Variants in ARL8B observed in about 807,000 individuals in gnomAD.
ARL8B encodes ARF like GTPase 8B.
In ARL8B, 9 loss-of-function variants were observed where a neutral mutation model predicts 30.6. The observed-to-expected ratio is 0.29, with a 90% CI of 0.18 to 0.51. The LOEUF (loss-of-function observed/expected upper bound fraction) is 0.51. ARL8B is among the 20% of genes least tolerant of loss of function. The probability of loss-of-function intolerance (pLI) is 0.97; values close to 1 mark genes in which losing one functional copy is unlikely to be tolerated. For synonymous variants in ARL8B, 74 were observed against 76.0 expected (o/e 0.97, Z 0.14); for missense variants, 130 against 227.2 (o/e 0.57, Z 2.75).
intron 1 of ARL8B, among the ~76,000 whole-genome samples, chr3:5,159,532 G>A (rs1293566694): frequency 6.8e-6 from 1 of 147,868 alleles, no homozygotes; most frequent in African/African-American, 2.5e-5. Flanking sequence ...AACCTGGGAG[G>A]TGGAGTTTGG....
At chr3:5,144,365 C>T (rs2054401238) in intron 1 of ARL8B, among the ~76,000 whole-genome samples, 1 of 152,194 alleles carries the variant, frequency 6.6e-6, no homozygotes, top group South Asian at 2.1e-4. Flanking sequence ...CTCCTGTGGC[C>T]TGTTTTCTAA....
intron 1 of ARL8B, among the ~76,000 whole-genome samples, chr3:5,147,962 G>A (rs979891846): frequency 2.0e-5 from 3 of 150,916 alleles, no homozygotes; most frequent in Non-Finnish European, 4.4e-5. Flanking sequence ...ATTCTCTGAG[G>A]TCCTGCATTT....
intron 2 of ARL8B, 144 bp downstream of exon 2, chr3:5,170,727 GTTGTTTTT>G: frequency 4.0e-5 from 23 of 577,374 alleles, no homozygotes; most frequent in Non-Finnish European, 4.1e-5. Context: ...TTTTTTTGTT[GTTGTTTTT>G]TTGTTTTTTT....
intron 1 of ARL8B, among the ~76,000 whole-genome samples, chr3:5,163,046 G>A (rs1407417309): frequency 1.4e-5 from 2 of 144,896 alleles, no homozygotes; most frequent in Non-Finnish European, 3.0e-5. Flanking sequence ...GGAGTGCAGT[G>A]GCGTGATTTC....
intron 1 of ARL8B, among the ~76,000 whole-genome samples, 162 bp downstream of exon 1, chr3:5,122,750 T>C (rs2054193155): frequency 6.6e-6 from 1 of 152,204 alleles, no homozygotes; most frequent in Non-Finnish European, 1.5e-5. Flanking sequence ...ATTTGGAATT[T>C]CCCGCGTGTT....
At chr3:5,159,540 T>TGG (rs1276525589) in intron 1 of ARL8B, among the ~76,000 whole-genome samples, 46 of 139,468 alleles carry the variant, frequency 3.3e-4, no homozygotes, top group African/African-American at 1.1e-3. Context: ...AGGTGGAGTT[T>TGG]GGGGTGAGCT....
chr3:5,148,334 A>T (rs1186868205), intron 1 of ARL8B, among the ~76,000 whole-genome samples: 1 of 152,184 alleles, frequency 6.6e-6, no homozygotes, highest in East Asian at 1.9e-4. Context: ...ACATTGCTAG[A>T]TGCCTGCTGT....
At position 5,122,440 on chromosome 3, in the gene ARL8B, G is replaced by T. The variant is rs774198655; in HGVS notation, c.-26G>T. On this transcript the variant is annotated 5_prime_UTR_variant, in exon 1 of 7. Transcript: ENST00000256496. ...GACGCCGCCGCTCGTCCGTCCTCCC[G>T]TCCGTTCTCGCTCCCGGCCGCCATC... 8 of 1,611,434 alleles carry T rather than the reference G, an allele frequency of 5.0e-6. No homozygotes were observed. In the East Asian group the frequency reaches 1.3e-4, roughly 27 times the overall value.
Position 5,141,938 on chromosome 3 carries a change from A to C in ARL8B, c.123+19350A>C, listed in dbSNP as rs533286230. Reference sequence around the variant, plus strand: ...GTTGACCACAGAAGAGTGCTGACTCAAACCCAGCAGCTATTTGGTTTTGGG... The same window carrying C: ...GTTGACCACAGAAGAGTGCTGACTCCAACCCAGCAGCTATTTGGTTTTGGG... On this transcript the variant is annotated intron_variant, in intron 1 of 6. Coordinates refer to ENST00000256496, the MANE Select transcript of ARL8B (RefSeq NM_018184.3). Among the ~76,000 whole-genome samples, 4 of 152,306 alleles carry C rather than the reference A, an allele frequency of 2.6e-5. No individual in the cohort carries two copies. In the East Asian group the frequency reaches 7.7e-4, roughly 29 times the overall value.
chr3:5,166,348 G>GTTTT (rs576653836), intron 1 of ARL8B, among the ~76,000 whole-genome samples: 3 of 99,180 alleles, frequency 3.0e-5, no homozygotes, highest in Non-Finnish European at 4.0e-5. Context: ...GGTATCTTTC[G>GTTTT]TTTTTTTTTT....
chr3:5,173,458 C>T (rs934334398), intron 4 of ARL8B, among the ~76,000 whole-genome samples: 1 of 152,248 alleles, frequency 6.6e-6, no homozygotes, highest in East Asian at 1.9e-4. Context: ...AGAATGCCGC[C>T]GGGCGCGGTG....
intron 1 of ARL8B, among the ~76,000 whole-genome samples, chr3:5,139,226 A>G (rs1315859285): frequency 2.0e-5 from 3 of 152,196 alleles, no homozygotes; most frequent in African/African-American, 4.8e-5. Flanking sequence ...AGAAGTTACA[A>G]TCTTGGCTTT....
intron 6 of ARL8B, among the ~76,000 whole-genome samples, chr3:5,177,548 C>G (rs1358843784): frequency 6.6e-6 from 1 of 151,782 alleles, no homozygotes; most frequent in African/African-American, 2.4e-5. Context: ...CCTCCGCCTC[C>G]TGGGTTCAAG....
chr3:5,170,034 A>G (rs1400503449), intron 1 of ARL8B, among the ~76,000 whole-genome samples: 2 of 152,262 alleles, frequency 1.3e-5, no homozygotes, highest in South Asian at 2.1e-4. Flanking sequence ...AATTGATTAC[A>G]TAAAAGGAAA....
intron 6 of ARL8B, among the ~76,000 whole-genome samples, chr3:5,177,991 T>C (rs1180822549): frequency 2.6e-5 from 4 of 152,246 alleles, no homozygotes; most frequent in African/African-American, 4.8e-5. Context: ...AAACTGGTAG[T>C]GAATTTACCC....
intron 1 of ARL8B, among the ~76,000 whole-genome samples, chr3:5,162,978 T>C (rs907738069): frequency 1.6e-4 from 23 of 147,352 alleles, no homozygotes; most frequent in African/African-American, 5.9e-4. Flanking sequence ...ACTCAGTGTT[T>C]AGCTCCCACT....
Position 5,174,406 on chromosome 3 carries a change from A to G in ARL8B, c.503A>G (p.Asp168Gly). Reference protein sequence around the residue: ...CCYSISCKEKDNIDITLQWLI... With the variant: ...CCYSISCKEKGNIDITLQWLI... ...TATTCAATTTCTTGCAAAGAAAAGG[A>G]TAATATAGGTAAGAAATGACTGGTA... Residue 168 changes from aspartate (D) to glycine (G), a missense_variant, in exon 6 of 7, where the codon GAT becomes GGT. Coordinates refer to ENST00000256496, the MANE Select transcript of ARL8B (RefSeq NM_018184.3). 6.3e-7 allele frequency: 1 copy of G among 1,595,828 alleles called. No individual in the cohort carries two copies.
rs780221339 is a variant in ARL8B at position 5,172,756 on chromosome 3, T to A, written c.372+16T>A. On this transcript the variant is annotated intron_variant, in intron 4 of 6. Transcript: ENST00000256496. ...AGGAATTCCAGTAAGTATGGAATACTTGTTATTTTACATTGTAATTATATA... is the reference window on the plus strand; with the variant it reads ...AGGAATTCCAGTAAGTATGGAATACATGTTATTTTACATTGTAATTATATA... 1.4e-6 allele frequency: 2 copies of A among 1,414,656 alleles called. No individual in the cohort carries two copies. The highest frequency in any genetic ancestry group is 2.0e-6 in the Non-Finnish European group (2 of 1,007,386). 87.6% of individuals were successfully genotyped at this position (1,414,656 alleles called of 1,614,324 possible). A position where few individuals can be genotyped will look rare whatever the true frequency, so the allele number is the denominator to read the frequency against.
chr3:5,123,819 T>C (rs890110241), intron 1 of ARL8B, among the ~76,000 whole-genome samples: 1 of 152,190 alleles, frequency 6.6e-6, no homozygotes, highest in Non-Finnish European at 1.5e-5. Flanking sequence ...TGAAGAATGA[T>C]GTATATAAGG....
Sources: gnomAD v4.1 joint callset for allele counts (sites outside exome capture counted in the v4.1 genomes callset) on GRCh38, gnomAD v4.1.1 for gene constraint, MANE v1.5 for transcripts, NCBI Gene and HGNC (gene_info 2026-07-23, HGNC 2026-07-21) for gene names.